The following FOXN3 variants were observed in gnomAD, a reference collection of about 807,000 sequenced individuals.
FOXN3 encodes the protein forkhead box N3, also known as forkhead box protein N3.
A neutral mutation model predicts 38.4 loss-of-function variants in FOXN3; 7 were observed. The ratio of observed to expected loss-of-function variants is 0.18; its 90% CI spans 0.10 to 0.34. FOXN3 has a LOEUF of 0.34. FOXN3 is among the 10% of genes least tolerant of loss of function. The pLI is 1.00. For synonymous variants in FOXN3, 230 were observed against 242.2 expected (o/e 0.95, Z 0.47); for missense variants, 456 against 613.4 (o/e 0.74, Z 2.71).
chr14:89,187,015 C>T (rs188377683), intron 4 of FOXN3, among the ~76,000 whole-genome samples: 305 of 152,290 alleles, frequency 2.0e-3, no homozygotes, highest in African/African-American at 4.3e-3. Context: ...GCCAGTCTGC[C>T]GGCCTTGAGC....
chr14:89,547,541 T>C (rs1402357674), intron 1 of FOXN3, among the ~76,000 whole-genome samples: 1 of 152,112 alleles, frequency 6.6e-6, no homozygotes. Flanking sequence ...CAAGCAATTG[T>C]TAATTGTTGA....
intron 1 of FOXN3, among the ~76,000 whole-genome samples, chr14:89,531,609 G>C (rs1033511711): frequency 6.6e-6 from 1 of 152,192 alleles, no homozygotes; most frequent in Admixed American, 6.5e-5. Context: ...AAAGCAAGAT[G>C]TCTCAGACTT....
intron 1 of FOXN3, among the ~76,000 whole-genome samples, chr14:89,453,273 C>A (rs542092860): frequency 6.6e-6 from 1 of 151,102 alleles, no homozygotes; most frequent in Admixed American, 6.6e-5. Flanking sequence ...TACTTAGCTG[C>A]AGGCCAGGCT....
intron 3 of FOXN3, among the ~76,000 whole-genome samples, chr14:89,301,129 T>G (rs1887205352): frequency 6.6e-6 from 1 of 152,074 alleles, no homozygotes; most frequent in Non-Finnish European, 1.5e-5. Context: ...TATAAAACAT[T>G]TTTCCTATGG....
At chr14:89,504,659 A>T (rs1470987593) in intron 1 of FOXN3, among the ~76,000 whole-genome samples, 1 of 152,168 alleles carries the variant, frequency 6.6e-6, no homozygotes, top group African/African-American at 2.4e-5. Flanking sequence ...TCCAGATTTT[A>T]ACCCTAATCA....
At chr14:89,186,287 C>T (rs1020710222) in intron 4 of FOXN3, among the ~76,000 whole-genome samples, 4 of 152,060 alleles carry the variant, frequency 2.6e-5, no homozygotes, top group South Asian at 2.1e-4. Flanking sequence ...GGGGGAGGAA[C>T]GCCTTCCCCC....
chr14:89,493,523 C>T (rs886373103), intron 1 of FOXN3, among the ~76,000 whole-genome samples: 2 of 151,234 alleles, frequency 1.3e-5, no homozygotes, highest in Non-Finnish European at 3.0e-5. Context: ...AATGTGGCAG[C>T]ATGAGATCAA....
At chr14:89,615,068 T>G (rs74082522) in intron 1 of FOXN3, among the ~76,000 whole-genome samples, 7,945 of 151,542 alleles carry the variant, frequency 0.052, 729 homozygotes, top group African/African-American at 0.18. Flanking sequence ...AATTTGTTTT[T>G]CTCATGTGTA....
rs1042579538 is a variant in FOXN3 at position 89,416,421 on chromosome 14, G to C, written c.-15+450C>G. Among the ~76,000 whole-genome samples the C allele has an allele frequency of 3.3e-5, 5 of 152,266 alleles. No individual in the cohort carries two copies. The East Asian group carries it at 9.7e-4, about 29-fold the overall frequency. ...CAGGGCCCAAGGAGGGTTTCAAACA[G>C]GGCCGGGATGAGGGGGGTCGGGCCT... On this transcript the variant is annotated intron_variant, in intron 1 of 5. Coordinates refer to ENST00000557258, the MANE Select transcript of FOXN3 (RefSeq NM_005197.4).
chr14:89,191,901 C>T (rs1240271720), intron 4 of FOXN3, among the ~76,000 whole-genome samples: 1 of 147,950 alleles, frequency 6.8e-6, no homozygotes, highest in Non-Finnish European at 1.5e-5. Context: ...ATTTGGCAAC[C>T]CTAGGGGTGA....
intron 4 of FOXN3, among the ~76,000 whole-genome samples, chr14:89,245,231 T>C (rs1224127488): frequency 6.6e-6 from 1 of 152,158 alleles, no homozygotes; most frequent in Non-Finnish European, 1.5e-5. Context: ...TTTGGAAACA[T>C]ATGCAAAAGA....
chr14:89,459,072 C>T (rs1340787169), intron 1 of FOXN3, among the ~76,000 whole-genome samples: 1 of 151,876 alleles, frequency 6.6e-6, no homozygotes, highest in Non-Finnish European at 1.5e-5. Flanking sequence ...CTGTGAATCA[C>T]AAACTAGCAG....
intron 2 of FOXN3, among the ~76,000 whole-genome samples, chr14:89,390,003 T>G (rs116510336): frequency 0.023 from 3,464 of 152,148 alleles, 124 homozygotes; most frequent in African/African-American, 0.077. Context: ...GCAGATCACA[T>G]GCACTCAGGA....
intron 4 of FOXN3, among the ~76,000 whole-genome samples, chr14:89,258,118 G>A (rs998074291): frequency 6.6e-6 from 1 of 152,114 alleles, no homozygotes; most frequent in Non-Finnish European, 1.5e-5. Context: ...ACAAAATCAT[G>A]GTGGGCCAGT....
At chr14:89,395,823 G>C (rs979575583) in intron 2 of FOXN3, among the ~76,000 whole-genome samples, 3 of 152,132 alleles carry the variant, frequency 2.0e-5, no homozygotes, top group African/African-American at 7.2e-5. Flanking sequence ...TGGAGGGGGG[G>C]GAGTTTCAAA....
chr14:89,596,179 C>T (rs897514135), intron 1 of FOXN3, among the ~76,000 whole-genome samples: 1 of 152,024 alleles, frequency 6.6e-6, no homozygotes, highest in African/African-American at 2.4e-5. Context: ...ACTCTGTCAC[C>T]CAGGCTGGAG....
At chr14:89,283,499 A>G (rs1421984128) in intron 3 of FOXN3, among the ~76,000 whole-genome samples, 1 of 152,218 alleles carries the variant, frequency 6.6e-6, no homozygotes, top group African/African-American at 2.4e-5. Context: ...CACACATAGT[A>G]CATGAAATTA....
chr14:89,570,540 T>A (rs181999678), intron 1 of FOXN3, among the ~76,000 whole-genome samples: 1 of 152,140 alleles, frequency 6.6e-6, no homozygotes, highest in East Asian at 1.9e-4. Context: ...GCTAAGGCCA[T>A]AAAGCCATGG....
rs59949946 is a variant in FOXN3 at position 89,312,284 on chromosome 14, C to CAAAAAAAAAAAAAAAAA, written c.681-31287_681-31271dup. ...TGGGTGACAGAGCAAGACTCGGTCT[C>CAAAAAAAAAAAAAAAAA]AAAAAAAAAAAAAAAAAGAAGCCAA... On this transcript the variant is annotated intron_variant, in intron 3 of 5. Transcript: ENST00000557258. Among the ~76,000 whole-genome samples, 78 of 60,508 alleles carry CAAAAAAAAAAAAAAAAA rather than the reference C, an allele frequency of 1.3e-3. 7 individuals carry two copies. Among genetic ancestry groups the CAAAAAAAAAAAAAAAAA allele is most frequent in the African/African-American group, 4.9e-3 (59 of 12,044 alleles). 39.7% of individuals were successfully genotyped at this position (60,508 alleles called of 152,430 possible). A position where few individuals can be genotyped will look rare whatever the true frequency, so the allele number is the denominator to read the frequency against.
Sources: gnomAD v4.1 joint callset for allele counts (sites outside exome capture counted in the v4.1 genomes callset) on GRCh38, gnomAD v4.1.1 for gene constraint, MANE v1.5 for transcripts, NCBI Gene and HGNC (gene_info 2026-07-23, HGNC 2026-07-21) for gene names.